The following PAK6 variants were observed in gnomAD, a reference collection of about 807,000 sequenced individuals.
PAK6 encodes p21 (RAC1) activated kinase 6.
A neutral mutation model predicts 60.8 loss-of-function variants in PAK6; 33 were observed. The observed-to-expected ratio is 0.54, with a 90% CI of 0.41 to 0.73. PAK6 has a LOEUF of 0.73. Ranked by LOEUF, PAK6 falls within the 30% of genes least tolerant of loss-of-function variation. The pLI is 0.00. For synonymous variants in PAK6, 404 were observed against 378.5 expected, an observed-to-expected ratio of 1.07 and a Z score of -0.78; for missense variants, 845 against 904.1, an observed-to-expected ratio of 0.93 and a Z score of 0.84.
At chr15:40,255,146 GAGGACCCTATGCTA>G (rs746151524) in intron 3 of PAK6, among the ~76,000 whole-genome samples, 1 of 152,206 alleles carries the variant, frequency 6.6e-6, no homozygotes, top group Non-Finnish European at 1.5e-5. Flanking sequence ...GCTAGGCATT[GAGGACCCTATGCTA>G]AGGACTCAGA....
chr15:40,273,242 G>A (rs1024736345), intron 7 of PAK6, 104 bp from the exon 8 acceptor site: 1 of 1,374,998 alleles, frequency 7.3e-7, no homozygotes, highest in Non-Finnish European at 1.0e-6. Flanking sequence ...GATTGCCTGG[G>A]AGCTGTGGGG....
At chr15:40,259,247 C>T (rs2038919201) in intron 3 of PAK6, 1 of 152,278 alleles carries the variant, frequency 6.6e-6, no homozygotes. Context: ...GCAGCAGCCA[C>T]CTCCCTCAGC....
Position 40,254,742 on chromosome 15 carries a change from C to T in PAK6, c.-6+1453C>T, listed in dbSNP as rs79413055. ...TGAATCCCAGCTCCACACTTACTGT[C>T]TTGGACAATTACTTCTCTCTGAGCC... On this transcript the variant is annotated intron_variant, in intron 3 of 10. Coordinates refer to ENST00000560346, the Ensembl canonical transcript of PAK6. 0.01 allele frequency among the ~76,000 whole-genome samples: 1,558 copies of T among 152,352 alleles called. 123 individuals are homozygous for T. In the East Asian group the frequency reaches 0.21, roughly 20 times the overall value.
At chr15:40,255,560 G>A (rs571331107) in intron 3 of PAK6, among the ~76,000 whole-genome samples, 12 of 152,290 alleles carry the variant, frequency 7.9e-5, no homozygotes, top group African/African-American at 1.4e-4. Flanking sequence ...CTCCTCCCCC[G>A]CAGGTGACAG....
At chr15:40,241,364 G>A (rs1294219767) in intron 2 of PAK6, among the ~76,000 whole-genome samples, 1 of 152,228 alleles carries the variant, frequency 6.6e-6, no homozygotes, top group African/African-American at 2.4e-5. Context: ...TCCTGAGGCT[G>A]GTTCTGGTGG....
At chr15:40,252,795 G>A in intron 2 of PAK6, 4 of 1,298,940 alleles carry the variant, frequency 3.1e-6, no homozygotes, top group Non-Finnish European at 4.0e-6. Context: ...GGGACCAGCC[G>A]GCGCCAGGCG....
At chr15:40,268,906 C>T (rs970724476) in intron 5 of PAK6, among the ~76,000 whole-genome samples, 8 of 152,206 alleles carry the variant, frequency 5.3e-5, no homozygotes, top group South Asian at 2.1e-4. Flanking sequence ...CAGCCACGGG[C>T]GTCCTGCGGG....
At chr15:40,252,563 T>A in intron 2 of PAK6, 1 of 1,359,988 alleles carries the variant, frequency 7.4e-7, no homozygotes, top group Non-Finnish European at 9.8e-7. Context: ...CGCGGTCAGG[T>A]GAAGCCGGCG....
At chr15:40,264,924 C>A in exon 4 of PAK6, 1 of 1,613,818 alleles carries the variant, frequency 6.2e-7, no homozygotes, top group East Asian at 2.2e-5. Flanking sequence ...CCTGGACACA[C>A]TGCGGCGCCC....
chr15:40,261,546 A>AT (rs1274530776), intron 3 of PAK6, among the ~76,000 whole-genome samples: 1 of 152,018 alleles, frequency 6.6e-6, no homozygotes, highest in Non-Finnish European at 1.5e-5. Flanking sequence ...CAAAAAATAT[A>AT]TATATATATA....
chr15:40,263,225 G>A (rs1384632731), intron 3 of PAK6, among the ~76,000 whole-genome samples: 1 of 152,212 alleles, frequency 6.6e-6, no homozygotes, highest in Non-Finnish European at 1.5e-5. Context: ...TGACGGCCCT[G>A]CACTCCAGAT....
intron 3 of PAK6, among the ~76,000 whole-genome samples, chr15:40,255,424 G>T (rs60246674): frequency 6.6e-6 from 1 of 152,288 alleles, no homozygotes; most frequent in African/African-American, 2.4e-5. Context: ...CCTCAAGTGG[G>T]ACAGCAGAGC....
intron 10 of PAK6, among the ~76,000 whole-genome samples, chr15:40,275,187 G>A (rs1051164579): frequency 1.3e-5 from 2 of 151,232 alleles, no homozygotes; most frequent in African/African-American, 2.4e-5. Flanking sequence ...AAGGCCTAGA[G>A]CAACAAAGAA....
In PAK6 at chr15:40,255,285, A is replaced by G. The variant is rs370499956; in HGVS notation, c.-6+1996A>G. On this transcript the variant is annotated intron_variant, in intron 3 of 10. Transcript: ENST00000560346. Reference sequence around the variant, plus strand: ...ACTGTATTCTTTTAAACAGCAGCCCATTATCTCTCCCCTGGGGATTCACTG... The same window carrying G: ...ACTGTATTCTTTTAAACAGCAGCCCGTTATCTCTCCCCTGGGGATTCACTG... 1.1e-4 allele frequency among the ~76,000 whole-genome samples: 17 copies of G among 152,228 alleles called. 1 individual carries two copies. The highest frequency in any genetic ancestry group is 5.9e-4 in the Admixed American group (9 of 15,288).
At chr15:40,239,166 G>C (rs1595556932), upstream of PAK6, 1 of 152,180 alleles carries the variant, frequency 6.6e-6, no homozygotes, top group Non-Finnish European at 1.5e-5. Flanking sequence ...GAGGAGGGGC[G>C]CGCCGCAGCC....
At chr15:40,252,354 C>A (rs752396383) in intron 2 of PAK6, 3 of 1,297,146 alleles carry the variant, frequency 2.3e-6, no homozygotes, top group Non-Finnish European at 3.0e-6. Flanking sequence ...CAGGTCCCCG[C>A]GGCTGTGGCC....
chr15:40,247,412 C>T (rs2140945973), intron 2 of PAK6: 1 of 152,332 alleles, frequency 6.6e-6, no homozygotes, highest in African/African-American at 2.4e-5. Context: ...TGCTGTTCCC[C>T]AGCCCTTCCC....
chr15:40,266,669 CT>C, intron 5 of PAK6, 174 bp downstream of exon 5: 1 of 524,532 alleles, frequency 1.9e-6, no homozygotes, highest in Non-Finnish European at 3.3e-6. Context: ...TCGCCTCCTC[CT>C]TCCCTCCCTT....
rs533623469 is a variant in PAK6, at chr15:40,261,493, C to T, written c.-5-3288C>T. Among the ~76,000 whole-genome samples the T allele has an allele frequency of 7.9e-5, 12 of 152,130 alleles. 1 individual carries two copies. Among genetic ancestry groups the T allele is most frequent in the African/African-American group, 2.9e-4 (12 of 41,530 alleles). ...CAGAGATTGCAGTGAGCTGAGATCACACCACTGCACTCCAGCCCGGGCAAG... is the reference window on the plus strand; with the variant it reads ...CAGAGATTGCAGTGAGCTGAGATCATACCACTGCACTCCAGCCCGGGCAAG... On this transcript the variant is annotated intron_variant, in intron 3 of 10. Transcript: ENST00000560346.
Sources: gnomAD v4.1 joint callset for allele counts (sites outside exome capture counted in the v4.1 genomes callset) on GRCh38, gnomAD v4.1.1 for gene constraint, MANE v1.5 for transcripts, NCBI Gene and HGNC (gene_info 2026-07-23, HGNC 2026-07-21) for gene names.